FGF14: variants seen among roughly 807,000 people sequenced by gnomAD.
FGF14 encodes the protein fibroblast growth factor homologous factor 4.
FGF14 carries 5 observed loss-of-function variants against 25.5 expected under a neutral mutation model. That is an observed-to-expected ratio of 0.20 (90% CI 0.10 to 0.41). FGF14 has a LOEUF of 0.41. FGF14 is among the 10% of genes least tolerant of loss of function. The pLI, the probability that FGF14 is intolerant of heterozygous loss-of-function variation, is 1.00. For synonymous variants in FGF14, 138 were observed against 118.3 expected, an observed-to-expected ratio of 1.17 and a Z score of -1.08; for missense variants, 222 against 320.1, an observed-to-expected ratio of 0.69 and a Z score of 2.34.
intron 3 of FGF14, among the ~76,000 whole-genome samples, chr13:101,856,811 T>C (rs2044148676): frequency 6.6e-6 from 1 of 152,010 alleles, no homozygotes; most frequent in Non-Finnish European, 1.5e-5. Context: ...ATTGATTTCT[T>C]CAAAGCTATG....
chr13:102,235,963 T>C (rs546069238), intron 1 of FGF14, among the ~76,000 whole-genome samples: 2 of 152,354 alleles, frequency 1.3e-5, no homozygotes, highest in South Asian at 2.1e-4. Context: ...AAAGCATTCA[T>C]AGTTTAAGAA....
At chr13:101,796,403 A>G (rs1227176329) in intron 3 of FGF14, among the ~76,000 whole-genome samples, 1 of 151,890 alleles carries the variant, frequency 6.6e-6, no homozygotes, top group Non-Finnish European at 1.5e-5. Flanking sequence ...TATAATGTTG[A>G]GCCTGAGCAT....
At chr13:101,862,809 C>A (rs548107829) in intron 3 of FGF14, among the ~76,000 whole-genome samples, 1 of 152,012 alleles carries the variant, frequency 6.6e-6, no homozygotes, top group South Asian at 2.1e-4. Context: ...TTCAACCTGG[C>A]AGATATATCC....
chr13:102,364,699 C>A (rs947551679), intron 1 of FGF14, among the ~76,000 whole-genome samples: 1 of 152,184 alleles, frequency 6.6e-6, no homozygotes, highest in African/African-American at 2.4e-5. Flanking sequence ...GAGTTTTCAA[C>A]AAAAGGCATC....
chr13:101,881,592 C>T (rs927555), intron 1 of FGF14, among the ~76,000 whole-genome samples: 52,733 of 152,038 alleles, frequency 0.35, 9,478 homozygotes, highest in African/African-American at 0.43. Context: ...AAGAAAAGCA[C>T]GTATCTTTTG....
intron 1 of FGF14, among the ~76,000 whole-genome samples, chr13:102,333,539 C>A (rs757256211): frequency 3.3e-5 from 5 of 152,104 alleles, no homozygotes; most frequent in Non-Finnish European, 7.4e-5. Context: ...CAAGAAGAGG[C>A]CCCTGGGCTT....
intron 3 of FGF14, among the ~76,000 whole-genome samples, chr13:101,743,155 T>A (rs913368869): frequency 6.6e-6 from 1 of 152,202 alleles, no homozygotes; most frequent in African/African-American, 2.4e-5. Context: ...CCAACCTTCT[T>A]GGGCACATGT....
Position 101,985,070 on chromosome 13 carries a change from T to A in FGF14, c.209-109774A>T, listed in dbSNP as rs929943346. Among the ~76,000 whole-genome samples the A allele has an allele frequency of 3.4e-5, 4 of 117,974 alleles. No homozygotes were observed. In the East Asian group the frequency reaches 9.5e-4, roughly 28 times the overall value. The allele number at this position is 117,974 out of a possible 152,430, so 77.4% of individuals were successfully genotyped here. ...AAAGACCTGGCCATGAATTCAAGGG[T>A]TTTTTTTTTGTTTTTTTTTTTTTTG... is the stretch of plus-strand genomic sequence containing the variant. On this transcript the variant is annotated intron_variant, in intron 1 of 4. Transcript: ENST00000376131.
chr13:101,715,539 A>G lies in FGF14; in HGVS notation c.*7292T>C. Reference sequence around the variant, plus strand: ...TTGGCACATTTTGATCATAATCATGATACCTATATGTATTTTATTGCAGGG... The same window carrying G: ...TTGGCACATTTTGATCATAATCATGGTACCTATATGTATTTTATTGCAGGG... On this transcript the variant is annotated 3_prime_UTR_variant, in exon 5 of 5. Transcript: ENST00000376143. 1 of 1,510,644 alleles carries G rather than the reference A, an allele frequency of 6.6e-7. No homozygotes were observed. 93.6% of individuals were successfully genotyped at this position (1,510,644 alleles called of 1,614,324 possible).
intron 1 of FGF14, among the ~76,000 whole-genome samples, chr13:102,384,905 A>C (rs1177515844): frequency 6.6e-6 from 1 of 152,164 alleles, no homozygotes; most frequent in Non-Finnish European, 1.5e-5. Context: ...ACAAAAAATA[A>C]TGCAGGACAG....
intron 1 of FGF14, among the ~76,000 whole-genome samples, chr13:101,942,904 C>T (rs748030644): frequency 6.6e-6 from 1 of 152,198 alleles, no homozygotes; most frequent in Non-Finnish European, 1.5e-5. Flanking sequence ...GAAGCATAGG[C>T]TTCAGCCCTC....
At chr13:101,832,559 G>T (rs958693439) in intron 3 of FGF14, among the ~76,000 whole-genome samples, 2 of 151,956 alleles carry the variant, frequency 1.3e-5, no homozygotes, top group Non-Finnish European at 2.9e-5. Flanking sequence ...GACAAGACAC[G>T]ATGACCTGCA....
chr13:102,129,185 A>G (rs946969240), intron 1 of FGF14, among the ~76,000 whole-genome samples: 11 of 152,136 alleles, frequency 7.2e-5, no homozygotes, highest in African/African-American at 2.7e-4. Flanking sequence ...GGGAAGCAGA[A>G]GCTGTAGTGA....
chr13:102,116,794 G>T (rs770851308), intron 1 of FGF14, among the ~76,000 whole-genome samples: 27 of 152,166 alleles, frequency 1.8e-4, no homozygotes, highest in Non-Finnish European at 3.4e-4. Flanking sequence ...GAATTTTAAA[G>T]GTAAGAGTGG....
At chr13:102,052,325 T>C (rs2042246176) in intron 1 of FGF14, among the ~76,000 whole-genome samples, 1 of 152,124 alleles carries the variant, frequency 6.6e-6, no homozygotes, top group East Asian at 1.9e-4. Flanking sequence ...AGCTGGAAAG[T>C]TTATTTTAAA....
intron 3 of FGF14, among the ~76,000 whole-genome samples, chr13:101,862,629 C>T (rs902264999): frequency 1.3e-5 from 2 of 152,118 alleles, no homozygotes; most frequent in Non-Finnish European, 2.9e-5. Context: ...TAATGGCATT[C>T]TTGGACATAA....
At chr13:102,317,551 CT>C (rs1438117654) in intron 1 of FGF14, among the ~76,000 whole-genome samples, 3 of 152,140 alleles carry the variant, frequency 2.0e-5, no homozygotes, top group Admixed American at 6.5e-5. Flanking sequence ...AATTTTTACT[CT>C]ATAGCTTTGA....
intron 1 of FGF14, among the ~76,000 whole-genome samples, chr13:102,354,960 G>A (rs2057381272): frequency 6.6e-6 from 1 of 151,940 alleles, no homozygotes; most frequent in Admixed American, 6.6e-5. Context: ...GCTGCAGCTG[G>A]TCATACCCTT....
chr13:102,002,888 A>G (rs2039575717), intron 1 of FGF14: 1 of 152,182 alleles, frequency 6.6e-6, no homozygotes, highest in African/African-American at 2.4e-5. Flanking sequence ...AACAGATGAT[A>G]TGGGTAATAT....
Sources: allele counts gnomAD v4.1 joint callset (sites outside exome capture counted in the v4.1 genomes callset), GRCh38; gene constraint gnomAD v4.1.1; transcripts MANE v1.5; gene names NCBI Gene and HGNC (gene_info 2026-07-23, HGNC 2026-07-21).